KIF6: variants seen among roughly 807,000 people sequenced by gnomAD.
KIF6 encodes the protein kinesin-like protein KIF6.
A neutral mutation model predicts 112.7 loss-of-function variants in KIF6; 106 were observed. The ratio of observed to expected loss-of-function variants is 0.94; its 90% CI spans 0.80 to 1.11. The LOEUF is 1.11. Ranked by LOEUF, KIF6 falls within the 50% of genes least tolerant of loss-of-function variation. The pLI is 0.00. For synonymous variants in KIF6, 339 were observed against 339.9 expected (o/e 1.00, Z 0.03); for missense variants, 929 against 964.0 (o/e 0.96, Z 0.48).
chr6:39,389,428 ATCT>A (rs1767686835), intron 15 of KIF6, among the ~76,000 whole-genome samples: 1 of 152,148 alleles, frequency 6.6e-6, no homozygotes, highest in East Asian at 1.9e-4. Flanking sequence ...ATAAATACTT[ATCT>A]CTCATCTACT....
intron 10 of KIF6, among the ~76,000 whole-genome samples, chr6:39,553,627 A>G (rs1314706949): frequency 2.6e-5 from 4 of 152,356 alleles, no homozygotes; most frequent in East Asian, 3.9e-4. Context: ...TTTAAATGCA[A>G]TGATGAAGGG....
chr6:39,453,020 T>C (rs891625443), intron 13 of KIF6, among the ~76,000 whole-genome samples: 4 of 152,248 alleles, frequency 2.6e-5, no homozygotes, highest in Non-Finnish European at 5.9e-5. Flanking sequence ...TGATGACGGA[T>C]GCCTCCAAGT....
intron 5 of KIF6, among the ~76,000 whole-genome samples, chr6:39,618,768 C>T (rs1012349034): frequency 6.6e-6 from 1 of 152,188 alleles, no homozygotes; most frequent in African/African-American, 2.4e-5. Flanking sequence ...TTCCTTTGTA[C>T]TGACTTCAAG....
At chr6:39,575,554 G>A (rs1256950453) in intron 10 of KIF6, among the ~76,000 whole-genome samples, 3 of 152,168 alleles carry the variant, frequency 2.0e-5, no homozygotes, top group Non-Finnish European at 2.9e-5. Context: ...ACAGGCGTGA[G>A]CCACCACGCC....
intron 3 of KIF6, among the ~76,000 whole-genome samples, chr6:39,697,925 TCAACAA>T (rs1788649484): frequency 6.6e-6 from 1 of 152,208 alleles, no homozygotes; most frequent in African/African-American, 2.4e-5. Context: ...AACTACAGCA[TCAACAA>T]CTTTTCAGTG....
intron 5 of KIF6, among the ~76,000 whole-genome samples, chr6:39,627,647 C>T (rs925736852): frequency 1.3e-5 from 2 of 152,076 alleles, no homozygotes; most frequent in Admixed American, 6.6e-5. Flanking sequence ...TGACTTTTTC[C>T]CCTTTGATGA....
chr6:39,510,584 G>A (rs1776716402), intron 13 of KIF6, among the ~76,000 whole-genome samples: 1 of 152,098 alleles, frequency 6.6e-6, no homozygotes, highest in African/African-American at 2.4e-5. Flanking sequence ...ACCAGCAACT[G>A]CAAAAACATG....
intron 2 of KIF6, among the ~76,000 whole-genome samples, chr6:39,718,175 A>C (rs1789970784): frequency 7.1e-6 from 1 of 141,720 alleles, no homozygotes; most frequent in Non-Finnish European, 1.5e-5. Flanking sequence ...GGTTGCAGTG[A>C]GCCGAGATCG....
chr6:39,443,155 AT>A (rs879678545), intron 13 of KIF6, among the ~76,000 whole-genome samples: 3,084 of 123,306 alleles, frequency 0.025, 61 homozygotes, highest in Non-Finnish European at 0.031. Flanking sequence ...AATAATAATA[AT>A]AATAAATAAA....
intron 7 of KIF6, among the ~76,000 whole-genome samples, chr6:39,592,542 C>A (rs1215865074): frequency 6.6e-6 from 1 of 152,160 alleles, no homozygotes; most frequent in African/African-American, 2.4e-5. Flanking sequence ...CAGTACAGAG[C>A]AAGCACTTCA....
rs1291740310 is a variant in KIF6 at position 39,404,717 on chromosome 6, G to C, written c.1810+15231C>G. Among the ~76,000 whole-genome samples, 3 of 152,244 alleles carry C rather than the reference G, an allele frequency of 2.0e-5. No homozygotes were observed. In the East Asian group the frequency reaches 5.8e-4, roughly 29 times the overall value. ...CTATAGCTACACAAAGTTCTGCTGG[G>C]ATTTTGAATAGAACTGCATTACATT... On this transcript the variant is annotated intron_variant, in intron 15 of 22. Transcript: ENST00000287152.
intron 13 of KIF6, among the ~76,000 whole-genome samples, chr6:39,448,469 C>T (rs1244646558): frequency 6.6e-6 from 1 of 152,152 alleles, no homozygotes; most frequent in African/African-American, 2.4e-5. Context: ...GCCATCGTGC[C>T]CGGCCAAAAT....
At chr6:39,449,890 G>C (rs939220509) in intron 13 of KIF6, among the ~76,000 whole-genome samples, 5 of 152,106 alleles carry the variant, frequency 3.3e-5, no homozygotes, top group African/African-American at 1.2e-4. Flanking sequence ...TTCTGTTCTG[G>C]GGGACTTGGC....
intron 1 of KIF6, among the ~76,000 whole-genome samples, chr6:39,722,967 GACT>G (rs1790310579): frequency 6.6e-6 from 1 of 152,138 alleles, no homozygotes; most frequent in Non-Finnish European, 1.5e-5. Flanking sequence ...TTAAATCCAA[GACT>G]CTCCATCCAC....
intron 13 of KIF6, among the ~76,000 whole-genome samples, chr6:39,482,829 C>G (rs578226109): frequency 1.3e-5 from 2 of 152,298 alleles, no homozygotes; most frequent in African/African-American, 4.8e-5. Flanking sequence ...GCCAAGGGCT[C>G]CGGGTACGAG....
intron 12 of KIF6, 61 bp from the exon 13 acceptor site, chr6:39,540,282 G>C (rs1778716723): frequency 2.0e-6 from 2 of 1,018,948 alleles, no homozygotes; most frequent in Admixed American, 2.2e-5. Flanking sequence ...AAACACAAAT[G>C]TCCTAAGTGT....
At chr6:39,419,657 C>T (rs1770206102) in intron 15 of KIF6, among the ~76,000 whole-genome samples, 1 of 152,176 alleles carries the variant, frequency 6.6e-6, no homozygotes, top group African/African-American at 2.4e-5. Flanking sequence ...ATTAGCTGAG[C>T]TACTGCTGAA....
At chr6:39,687,856 G>A (rs964640345) in intron 3 of KIF6, among the ~76,000 whole-genome samples, 1 of 152,108 alleles carries the variant, frequency 6.6e-6, no homozygotes, top group Non-Finnish European at 1.5e-5. Context: ...CTAGTTGAGA[G>A]GATTATTTAA....
chr6:39,598,009 TACAAA>T (rs945924282), intron 6 of KIF6, among the ~76,000 whole-genome samples: 2 of 151,820 alleles, frequency 1.3e-5, no homozygotes, highest in Non-Finnish European at 2.9e-5. Context: ...GTACTAAAAA[TACAAA>T]ACAAAACAAA....
Sources: allele counts gnomAD v4.1 joint callset (sites outside exome capture counted in the v4.1 genomes callset), GRCh38; gene constraint gnomAD v4.1.1; transcripts MANE v1.5; gene names NCBI Gene and HGNC (gene_info 2026-07-23, HGNC 2026-07-21).